APP: variants seen among roughly 807,000 people sequenced by gnomAD.
APP encodes the protein amyloid-beta precursor protein.
Under a neutral mutation model 101.4 loss-of-function variants are expected in APP, and 31 were observed. That is an observed-to-expected ratio of 0.31 (90% CI 0.23 to 0.41). The LOEUF (loss-of-function observed/expected upper bound fraction) is 0.41. Ranked by LOEUF, APP falls within the 10% of genes least tolerant of loss-of-function variation. The pLI, the probability that APP is intolerant of heterozygous loss-of-function variation, is 1.00. For synonymous variants in APP, 366 were observed against 364.4 expected (o/e 1.00, Z -0.05); for missense variants, 839 against 1,003.7 (o/e 0.84, Z 2.22).
At position 26,099,495 on chromosome 21, in the gene APP, C is replaced by T. The variant is rs180908452; in HGVS notation, c.226-9423G>A. Among the ~76,000 whole-genome samples, 59 of 152,280 alleles carry T rather than the reference C, an allele frequency of 3.9e-4. 1 individual carries two copies. The highest frequency in any genetic ancestry group is 3.4e-3 in the Middle Eastern group (1 of 294). ...GAAACTAGAACAACTAAAATCGATG[C>T]CATTTCTAAGCATTCAAAGAGTATA... On this transcript the variant is annotated intron_variant, in intron 2 of 17. Coordinates refer to ENST00000346798, the MANE Select transcript of APP (RefSeq NM_000484.4).
intron 3 of APP, among the ~76,000 whole-genome samples, chr21:26,066,033 C>T (rs1442467895): frequency 2.6e-5 from 4 of 152,116 alleles, no homozygotes; most frequent in Non-Finnish European, 5.9e-5. Flanking sequence ...ACAGACCTTC[C>T]CAGGGTGGCT....
rs113912166 is a variant in APP at position 26,032,048 on chromosome 21, T to TA, written c.663-10007dup. Among the ~76,000 whole-genome samples the TA allele has an allele frequency of 9.8e-3, 1,500 of 152,320 alleles. 26 individuals carry two copies. Among genetic ancestry groups the TA allele is most frequent in the African/African-American group, 0.034 (1,398 of 41,568 alleles). ...GCTTGAAGTAAGTAGAAAAGTACTTTAAATTGTATCATAAAGGTAAAGATG... is the reference window on the plus strand; with the variant it reads ...GCTTGAAGTAAGTAGAAAAGTACTTTAAAATTGTATCATAAAGGTAAAGATG... On this transcript the variant is annotated intron_variant, in intron 5 of 17. Coordinates refer to ENST00000346798, the MANE Select transcript of APP (RefSeq NM_000484.4).
intron 1 of APP, chr21:26,140,016 T>G (rs753743641): frequency 1.2e-5 from 8 of 688,902 alleles, no homozygotes; most frequent in Non-Finnish European, 1.7e-5. Flanking sequence ...TTACACCAAA[T>G]AATTTGCAAA....
intron 13 of APP, chr21:25,934,833 C>T (rs1051909268): frequency 7.9e-5 from 12 of 152,192 alleles, no homozygotes; most frequent in African/African-American, 2.7e-4. Flanking sequence ...TAATCTAGCC[C>T]TCTTAAGTGC....
At chr21:25,889,193 G>A (rs181891776) in intron 17 of APP, among the ~76,000 whole-genome samples, 1 of 152,312 alleles carries the variant, frequency 6.6e-6, no homozygotes, top group East Asian at 1.9e-4. Flanking sequence ...GGTCGAAGAG[G>A]TTATTAAAGT....
chr21:26,048,655 T>C (rs2146895778), intron 5 of APP, among the ~76,000 whole-genome samples: 1 of 152,338 alleles, frequency 6.6e-6, no homozygotes, highest in East Asian at 1.9e-4. Flanking sequence ...ATAGTTTGGA[T>C]TCTAACAGAT....
intron 8 of APP, among the ~76,000 whole-genome samples, chr21:25,987,484 C>T (rs918117607): frequency 3.3e-5 from 5 of 152,230 alleles, no homozygotes; most frequent in Non-Finnish European, 5.9e-5. Context: ...AGTCTCCTAA[C>T]AGAGCCTTGA....
chr21:26,033,138 C>T (rs1264703520), intron 5 of APP, among the ~76,000 whole-genome samples: 1 of 152,176 alleles, frequency 6.6e-6, no homozygotes, highest in Middle Eastern at 3.2e-3. Context: ...TATGGTTTGG[C>T]TGTGTCCTCA....
chr21:26,136,174 AAAG>A (rs1473662520), intron 1 of APP, among the ~76,000 whole-genome samples: 11 of 21,422 alleles, frequency 5.1e-4, no homozygotes, highest in African/African-American at 3.0e-3. Context: ...GAAAGAAAAG[AAAG>A]AAAGAAAGAA....
At chr21:26,005,627 G>C (rs2146703374) in intron 6 of APP, among the ~76,000 whole-genome samples, 1 of 152,262 alleles carries the variant, frequency 6.6e-6, no homozygotes, top group South Asian at 2.1e-4. Flanking sequence ...AGAGCACTGA[G>C]ACCTGAAACA....
chr21:26,038,259 CTAGGA>C (rs66979611), intron 5 of APP, among the ~76,000 whole-genome samples: 35,787 of 151,752 alleles, frequency 0.24, 4,949 homozygotes, highest in South Asian at 0.36. Context: ...TCAACCTTAT[CTAGGA>C]TAGAAGTGCT....
intron 11 of APP, among the ~76,000 whole-genome samples, chr21:25,970,832 G>A (rs1016056023): frequency 3.9e-5 from 6 of 152,022 alleles, no homozygotes; most frequent in East Asian, 1.9e-4. Context: ...AGAATGCCAC[G>A]AGCTCTTTAA....
chr21:25,907,480 C>T (rs1442560324), intron 14 of APP, among the ~76,000 whole-genome samples: 1 of 152,198 alleles, frequency 6.6e-6, no homozygotes, highest in Non-Finnish European at 1.5e-5. Flanking sequence ...GTAACTTCAT[C>T]AATGAAGTGC....
At chr21:26,067,578 C>T (rs980628978) in intron 3 of APP, among the ~76,000 whole-genome samples, 3 of 152,174 alleles carry the variant, frequency 2.0e-5, no homozygotes, top group African/African-American at 7.2e-5. Flanking sequence ...TTAACGCATA[C>T]ATTTTAGTCA....
chr21:26,110,274 C>T (rs1219299485), intron 2 of APP, among the ~76,000 whole-genome samples: 1 of 152,086 alleles, frequency 6.6e-6, no homozygotes, highest in Non-Finnish European at 1.5e-5. Flanking sequence ...GAAACCCTGT[C>T]TCTACTAAAA....
At chr21:25,974,426 G>A (rs2042150807) in intron 11 of APP, among the ~76,000 whole-genome samples, 1 of 152,176 alleles carries the variant, frequency 6.6e-6, no homozygotes, top group South Asian at 2.1e-4. Context: ...AATTAGGCAT[G>A]AGGGCAGAGC....
chr21:26,081,594 G>A (rs1223963076), intron 3 of APP, among the ~76,000 whole-genome samples: 1 of 152,168 alleles, frequency 6.6e-6, no homozygotes, highest in African/African-American at 2.4e-5. Flanking sequence ...CTTGCTTCGG[G>A]CCATCTGGGC....
chr21:26,027,070 T>C (rs1405163539), intron 5 of APP, among the ~76,000 whole-genome samples: 2 of 152,216 alleles, frequency 1.3e-5, no homozygotes, highest in Non-Finnish European at 2.9e-5. Flanking sequence ...TTTTTCTTCT[T>C]GCTACAGATA....
intron 1 of APP, among the ~76,000 whole-genome samples, chr21:26,150,810 A>G (rs535703435): frequency 1.1e-4 from 17 of 152,352 alleles, no homozygotes; most frequent in African/African-American, 3.8e-4. Flanking sequence ...TTTTCTTACA[A>G]TTAGAATTTC....
Sources: gnomAD v4.1 joint callset for allele counts (sites outside exome capture counted in the v4.1 genomes callset) on GRCh38, gnomAD v4.1.1 for gene constraint, MANE v1.5 for transcripts, NCBI Gene and HGNC (gene_info 2026-07-23, HGNC 2026-07-21) for gene names.